Variants in DGKH observed in about 807,000 individuals in gnomAD.
The protein encoded by DGKH is diacylglycerol kinase eta, also known as DAG kinase eta.
Under a neutral mutation model 159.3 loss-of-function variants are expected in DGKH, and 90 were observed. That is an observed-to-expected ratio of 0.57 (90% CI 0.48 to 0.67). The LOEUF (loss-of-function observed/expected upper bound fraction) is 0.67. Among genes scored for constraint, DGKH ranks in the 30% least tolerant of loss-of-function variants. The probability of loss-of-function intolerance (pLI) is 0.00; values close to 1 mark genes in which losing one functional copy is unlikely to be tolerated. For synonymous variants in DGKH, 536 were observed against 553.8 expected, an observed-to-expected ratio of 0.97 and a Z score of 0.45; for missense variants, 1,181 against 1,506.1, an observed-to-expected ratio of 0.78 and a Z score of 3.57.
chr13:42,245,728 G>A (rs1413742882), downstream of DGKH, among the ~76,000 whole-genome samples: 1 of 152,136 alleles, frequency 6.6e-6, no homozygotes, highest in African/African-American at 2.4e-5. Context: ...TAGGACTACA[G>A]GCACGCGCCA....
intron 3 of DGKH, among the ~76,000 whole-genome samples, chr13:42,143,255 A>G (rs1270146251): frequency 6.6e-6 from 1 of 152,106 alleles, no homozygotes; most frequent in African/African-American, 2.4e-5. Context: ...AGCCCACTTG[A>G]TCATGGTGGA....
chr13:42,077,036 A>G lies in DGKH; in HGVS notation c.192+28071A>G, dbSNP rs143517787. 4.1e-3 allele frequency among the ~76,000 whole-genome samples: 627 copies of G among 152,272 alleles called. 6 individuals carry two copies. The highest frequency in any genetic ancestry group is 0.014 in the African/African-American group (600 of 41,572). ...TTCATCACCTTTTATAGAATATAGA[A>G]TTATGCATCACTTTCTCTTCATAAT... On this transcript the variant is annotated intron_variant, in intron 1 of 29. Transcript: ENST00000337343.
chr13:42,193,104 T>C (rs1957123680), intron 16 of DGKH, among the ~76,000 whole-genome samples: 1 of 152,222 alleles, frequency 6.6e-6, no homozygotes, highest in Non-Finnish European at 1.5e-5. Flanking sequence ...CATCTGTGAA[T>C]TTGATAAGCA....
intron 1 of DGKH, among the ~76,000 whole-genome samples, chr13:42,079,304 G>A (rs1403076310): frequency 6.6e-6 from 1 of 151,990 alleles, no homozygotes; most frequent in Admixed American, 6.5e-5. Flanking sequence ...TATATACCAA[G>A]TTATGGGTAT....
chr13:42,252,698 C>T (rs751472532), intron 30 of DGKH, among the ~76,000 whole-genome samples: 7 of 152,042 alleles, frequency 4.6e-5, no homozygotes, highest in South Asian at 2.1e-4. Context: ...AATTCCACTG[C>T]GCAGAGACCT....
chr13:42,151,578 T>TACACAC (rs60281789), intron 3 of DGKH, among the ~76,000 whole-genome samples: 1,198 of 93,810 alleles, frequency 0.013, 22 homozygotes, highest in African/African-American at 0.033. Flanking sequence ...CTTATATGTA[T>TACACAC]ACACACACAC....
intron 28 of DGKH, 53 bp from the exon 29 acceptor site, chr13:42,221,211 G>A: frequency 6.2e-7 from 1 of 1,602,880 alleles, no homozygotes; most frequent in South Asian, 1.1e-5. Context: ...CCTTTGCTTT[G>A]TAATGCATTG....
intron 14 of DGKH, among the ~76,000 whole-genome samples, chr13:42,188,832 A>G (rs1380059057): frequency 6.6e-6 from 1 of 152,236 alleles, no homozygotes; most frequent in African/African-American, 2.4e-5. Flanking sequence ...AATTTAAATT[A>G]TAGTTGTCTA....
At chr13:42,168,958 A>T in intron 11 of DGKH, 140 bp downstream of exon 11, 1 of 925,230 alleles carries the variant, frequency 1.1e-6, no homozygotes, top group South Asian at 2.3e-5. Flanking sequence ...GATCTTGTCC[A>T]CTGGTTAATC....
chr13:42,197,132 C>A (rs1312921821), intron 17 of DGKH, among the ~76,000 whole-genome samples: 1 of 151,652 alleles, frequency 6.6e-6, no homozygotes, highest in African/African-American at 2.4e-5. Context: ...CCCCTTTAAT[C>A]CCAGCTACTT....
intron 27 of DGKH, 88 bp downstream of exon 27, chr13:42,219,437 A>G: frequency 6.5e-7 from 1 of 1,527,304 alleles, no homozygotes; most frequent in Non-Finnish European, 8.8e-7. Context: ...ATATTTAGGG[A>G]AAAATGAATT....
chr13:42,252,919 TG>T (rs1958630791), intron 30 of DGKH, among the ~76,000 whole-genome samples: 1 of 152,136 alleles, frequency 6.6e-6, no homozygotes, highest in African/African-American at 2.4e-5. Flanking sequence ...GGCTAATTTT[TG>T]TATTTTTAGT....
intron 12 of DGKH, among the ~76,000 whole-genome samples, chr13:42,175,914 C>T (rs1443838181): frequency 1.3e-5 from 2 of 152,182 alleles, no homozygotes; most frequent in African/African-American, 2.4e-5. Flanking sequence ...GCAAATTACT[C>T]AGTAAGCCTC....
At chr13:42,198,364 C>T (rs568882195) in intron 17 of DGKH, 114 bp from the exon 18 acceptor site, 1 of 771,000 alleles carries the variant, frequency 1.3e-6, no homozygotes, top group South Asian at 1.8e-5. Context: ...TGAAATAAGG[C>T]ACTGAAAACC....
At chr13:42,160,223 A>G (rs1956146679) in intron 7 of DGKH, 87 bp downstream of exon 7, 1 of 1,580,820 alleles carries the variant, frequency 6.3e-7, no homozygotes, top group Non-Finnish European at 8.7e-7. Flanking sequence ...AAAGCAAAGA[A>G]TTTATGACAG....
intron 16 of DGKH, among the ~76,000 whole-genome samples, chr13:42,191,462 A>C (rs1441771049): frequency 6.6e-6 from 1 of 152,188 alleles, no homozygotes; most frequent in African/African-American, 2.4e-5. Context: ...ATACTCAGAT[A>C]ATAAACCTGC....
chr13:42,085,211 C>T lies in DGKH; in HGVS notation c.192+36246C>T, dbSNP rs145872471. On this transcript the variant is annotated intron_variant, in intron 1 of 29. Coordinates refer to ENST00000337343, the MANE Select transcript of DGKH (RefSeq NM_178009.5). ...TGCAGTCTTTATAGGGCATGCGAAACCTCTTAGAATATAACTGAATATGTA... is the reference window on the plus strand; with the variant it reads ...TGCAGTCTTTATAGGGCATGCGAAATCTCTTAGAATATAACTGAATATGTA... Among the ~76,000 whole-genome samples the T allele has an allele frequency of 6.2e-3, 948 of 152,024 alleles. 9 individuals are homozygous for T. The highest frequency in any genetic ancestry group is 9.9e-3 in the Admixed American group (151 of 15,246).
intron 3 of DGKH, among the ~76,000 whole-genome samples, chr13:42,154,766 C>T (rs946562312): frequency 1.8e-4 from 27 of 151,858 alleles, no homozygotes; most frequent in African/African-American, 5.3e-4. Flanking sequence ...GGTGGCCGGG[C>T]GCAGTGGCTC....
At chr13:42,130,978 A>G (rs902891685) in intron 3 of DGKH, among the ~76,000 whole-genome samples, 3 of 151,888 alleles carry the variant, frequency 2.0e-5, no homozygotes, top group African/African-American at 7.3e-5. Context: ...GAGAGTTTCA[A>G]GACAGATGCT....
Sources: allele counts gnomAD v4.1 joint callset (sites outside exome capture counted in the v4.1 genomes callset), GRCh38; gene constraint gnomAD v4.1.1; transcripts MANE v1.5; gene names NCBI Gene and HGNC (gene_info 2026-07-23, HGNC 2026-07-21).